The following CDK1 variants were observed in gnomAD, a reference collection of about 807,000 sequenced individuals.
The protein encoded by CDK1 is cyclin dependent kinase 1.
In CDK1, 5 loss-of-function variants were observed where a neutral mutation model predicts 34.6. The observed-to-expected ratio is 0.14, with a 90% confidence interval of 0.08 to 0.30. The LOEUF is 0.30. Among genes scored for constraint, CDK1 ranks in the 10% least tolerant of loss-of-function variants. CDK1 has a pLI of 1.00. For missense variants in CDK1, 157 were observed against 345.7 expected (o/e 0.45, Z 4.33); for synonymous variants, 108 against 114.7 (o/e 0.94, Z 0.37).
At chr10:60,780,676 A>T (rs1204192794) in intron 2 of CDK1, among the ~76,000 whole-genome samples, 1 of 152,214 alleles carries the variant, frequency 6.6e-6, no homozygotes, top group Non-Finnish European at 1.5e-5. Flanking sequence ...TACCCTAAGT[A>T]TAAATGACCT....
rs947728550 is a variant in CDK1, at chr10:60,778,560, T to A, written c.-36T>A. The A allele has an allele frequency of 1.3e-5, 2 of 152,350 alleles. No individual in the cohort carries two copies. The highest frequency in any genetic ancestry group is 4.8e-5 in the African/African-American group (2 of 41,444). The allele number at this position is 152,350 out of a possible 1,614,324, so 9.4% of individuals were successfully genotyped here. The stretch of plus-strand genomic sequence containing the variant: ...AGCTGCCGCTGCGGCCGCCGCGGAA[T>A]AATAAGCCGGGTACAGTGGCTGGGG... On this transcript the variant is annotated 5_prime_UTR_variant, in exon 1 of 8. Coordinates refer to ENST00000395284, the MANE Select transcript of CDK1 (RefSeq NM_001786.5).
intron 7 of CDK1, 118 bp from the exon 8 acceptor site, chr10:60,793,759 G>A (rs1473910423): frequency 1.7e-6 from 1 of 590,894 alleles, no homozygotes; most frequent in East Asian, 3.2e-5. Flanking sequence ...TCATTTAATA[G>A]ATATTCACTG....
chr10:60,785,882 A>G (rs2080311687), intron 4 of CDK1, 95 bp downstream of exon 4: 2 of 1,368,536 alleles, frequency 1.5e-6, no homozygotes, highest in African/African-American at 3.0e-5. Context: ...TATGCTTGGA[A>G]AAAGTGTTAG....
Position 60,792,139 on chromosome 10 carries a change from GT to G in CDK1, c.654-3del. The G allele has an allele frequency of 6.2e-7, 1 of 1,601,630 alleles. No homozygotes were observed. The highest frequency in any genetic ancestry group is 1.1e-5 in the South Asian group (1 of 88,744). On this transcript the variant is annotated splice_region_variant and splice_polypyrimidine_tract_variant and intron_variant, in intron 6 of 7. Coordinates refer to ENST00000395284, the MANE Select transcript of CDK1 (RefSeq NM_001786.5). ...TGCTTTAAGAAATTTTTAATTTCCT[GT>G]TTTTTAGAGCTTTGGGCACTCCCAA...
Position 60,794,113 on chromosome 10 carries a change from T to A in CDK1, c.*138T>A, listed in dbSNP as rs2080380813. ...ACTTCGTCTTCTAATTTCAAAAATA[T>A]AACTTAAAAATGTAAATATTCTATA... On this transcript the variant is annotated 3_prime_UTR_variant, in exon 8 of 8. Coordinates refer to ENST00000395284, the MANE Select transcript of CDK1 (RefSeq NM_001786.5). 4.1e-6 allele frequency: 2 copies of A among 493,318 alleles called. No individual in the cohort carries two copies. The highest frequency in any genetic ancestry group is 7.7e-5 in the South Asian group (2 of 26,024). 30.6% of individuals were successfully genotyped at this position (493,318 alleles called of 1,614,324 possible).
rs1002689539 is a variant in CDK1 at position 60,780,179 on chromosome 10, C to A, written c.14C>A (p.Thr5Asn). MEDY[T>N]KIEKIGEGTY... ...CATTGACTAACTATGGAAGATTATA[C>A]CAAAATAGAGAAAATTGGAGAAGGT... The change falls in exon 2 of 8, where the codon ACC (threonine) becomes AAC (asparagine). Residue 5 changes from threonine (T) to asparagine (N), a missense_variant. By Grantham distance (65) the Thr-to-Asn change is moderately conservative (BLOSUM62 0). This residue lies in a region of CDK1 where 53 missense variants were observed against 89.2 expected (regional missense o/e 0.59). Coordinates refer to ENST00000395284, the MANE Select transcript of CDK1 (RefSeq NM_001786.5). The A allele has an allele frequency of 3.9e-6, 6 of 1,537,754 alleles. No individual in the cohort carries two copies. Among genetic ancestry groups the A allele is most frequent in the Admixed American group, 1.7e-5 (1 of 59,794 alleles).
intron 1 of CDK1, among the ~76,000 whole-genome samples, chr10:60,779,264 A>C (rs577135983): frequency 6.6e-6 from 1 of 152,290 alleles, no homozygotes; most frequent in Admixed American, 6.5e-5. Flanking sequence ...GTCTATTCTG[A>C]GTGTGCTTTA....
intron 5 of CDK1, among the ~76,000 whole-genome samples, chr10:60,791,325 T>C (rs1392750410): frequency 6.6e-6 from 1 of 152,192 alleles, no homozygotes; most frequent in Non-Finnish European, 1.5e-5. Flanking sequence ...TATTGGTGTA[T>C]AGAAACTATT....
At chr10:60,792,759 G>A (rs3213076) in intron 7 of CDK1, among the ~76,000 whole-genome samples, 1,571 of 151,988 alleles carry the variant, frequency 0.01, 23 homozygotes, top group African/African-American at 0.036. Flanking sequence ...TTTTCTCATT[G>A]GTCTTCGGGT....
At chr10:60,778,794 G>C (rs1432311879) in intron 1 of CDK1, 2 of 152,748 alleles carry the variant, frequency 1.3e-5, no homozygotes, top group African/African-American at 4.8e-5. Flanking sequence ...CAGCCTGGCG[G>C]GGTTAGGCGG....
intron 6 of CDK1, 39 bp downstream of exon 6, chr10:60,792,092 T>C: frequency 6.3e-7 from 1 of 1,599,902 alleles, no homozygotes; most frequent in Non-Finnish European, 8.5e-7. Flanking sequence ...GTAACATATA[T>C]GTAACAATGA....
intron 7 of CDK1, among the ~76,000 whole-genome samples, chr10:60,793,350 T>C (rs928862521): frequency 2.0e-5 from 3 of 152,022 alleles, no homozygotes; most frequent in African/African-American, 4.8e-5. Flanking sequence ...TCCTAAACTT[T>C]ATTTAGCTTT....
intron 7 of CDK1, among the ~76,000 whole-genome samples, chr10:60,793,192 G>C (rs1419403043): frequency 6.6e-6 from 1 of 151,978 alleles, no homozygotes; most frequent in Non-Finnish European, 1.5e-5. Context: ...TTTAGCTGTG[G>C]GAATTGAGTA....
At chr10:60,780,937 C>T (rs1589109322) in intron 2 of CDK1, among the ~76,000 whole-genome samples, 1 of 151,922 alleles carries the variant, frequency 6.6e-6, no homozygotes, top group Non-Finnish European at 1.5e-5. Context: ...GATCAAAGAC[C>T]CCACTTGACA....
Position 60,792,052 on chromosome 10 carries a change from A to G in CDK1, c.652A>G (p.Arg218Gly). The G allele has an allele frequency of 6.3e-7, 1 of 1,595,966 alleles. No homozygotes were observed. Among genetic ancestry groups the G allele is most frequent in the Non-Finnish European group, 8.5e-7 (1 of 1,169,932 alleles). ...SEIDQLFRIF[R>G]ALGTPNNEVW... The stretch of plus-strand genomic sequence containing the variant: ...AATTGATCAACTCTTCAGGATTTTC[A>G]GGTAGCTATTAAAAACTGAGATAAT... The change falls in exon 6 of 8, where the codon AGA becomes GGA. Residue 218 changes from arginine to glycine, a missense_variant and splice_region_variant. Physicochemically the swap from Arg to Gly is moderately radical, Grantham distance 125 (BLOSUM62 -2). Coordinates refer to ENST00000395284, the MANE Select transcript of CDK1 (RefSeq NM_001786.5).
intron 2 of CDK1, chr10:60,783,573 A>G (rs1309363699): frequency 1.3e-5 from 2 of 152,210 alleles, no homozygotes; most frequent in South Asian, 2.1e-4. Flanking sequence ...AACCAATGCC[A>G]TGGAAAGCAA....
At position 60,794,559 on chromosome 10, in the gene CDK1, A is replaced by G. The variant is rs774914349; in HGVS notation, c.*584A>G. Reference sequence around the variant, plus strand: ...TAACTTAAAAAGCTAACATGAGAGCATGCCAAAATTTGCTAAGTCTTACAA... The same window carrying G: ...TAACTTAAAAAGCTAACATGAGAGCGTGCCAAAATTTGCTAAGTCTTACAA... On this transcript the variant is annotated 3_prime_UTR_variant, in exon 8 of 8. Coordinates refer to ENST00000395284, the MANE Select transcript of CDK1 (RefSeq NM_001786.5). 9.9e-5 allele frequency: 15 copies of G among 152,190 alleles called. No homozygotes were observed. The highest frequency in any genetic ancestry group is 2.2e-4 in the Non-Finnish European group (15 of 67,994). The allele number at this position is 152,190 out of a possible 1,614,324, so 9.4% of individuals were successfully genotyped here. A position where few individuals can be genotyped will look rare whatever the true frequency, so the allele number is the denominator to read the frequency against.
At chr10:60,781,156 A>G (rs1188477003) in intron 2 of CDK1, among the ~76,000 whole-genome samples, 1 of 152,174 alleles carries the variant, frequency 6.6e-6, no homozygotes, top group Non-Finnish European at 1.5e-5. Context: ...AATGCTGTGT[A>G]GTGTGTTTCT....
At chr10:60,786,431 CTATT>C in intron 4 of CDK1, 1 of 693,954 alleles carries the variant, frequency 1.4e-6, no homozygotes, top group Non-Finnish European at 1.8e-6. Context: ...CTACCTATGT[CTATT>C]TACATTTTTG....
Sources: allele counts gnomAD v4.1 joint callset (sites outside exome capture counted in the v4.1 genomes callset), GRCh38; gene constraint gnomAD v4.1.1; regional missense constraint gnomAD v4.1.1; transcripts MANE v1.5; gene names NCBI Gene and HGNC (gene_info 2026-07-23, HGNC 2026-07-21).